Variants in DOCK3 observed in about 807,000 individuals in gnomAD.
The protein encoded by DOCK3 is dedicator of cytokinesis protein 3.
Under a neutral mutation model 265.6 loss-of-function variants are expected in DOCK3, and 60 were observed. The ratio of observed to expected loss-of-function variants is 0.23; its 90% CI spans 0.18 to 0.28. The LOEUF (loss-of-function observed/expected upper bound fraction) is 0.28. Among genes scored for constraint, DOCK3 ranks in the 10% least tolerant of loss-of-function variants. The pLI is 1.00. For synonymous variants in DOCK3, 881 were observed against 938.0 expected, an observed-to-expected ratio of 0.94 and a Z score of 1.11; for missense variants, 1,981 against 2,594.3, an observed-to-expected ratio of 0.76 and a Z score of 5.14.
At chr3:50,928,515 T>G (rs1251447446) in intron 4 of DOCK3, among the ~76,000 whole-genome samples, 1 of 152,232 alleles carries the variant, frequency 6.6e-6, no homozygotes, top group Non-Finnish European at 1.5e-5. Flanking sequence ...TCCATTGCAC[T>G]TATATATACC....
At chr3:50,803,879 G>A (rs1001365084) in intron 2 of DOCK3, among the ~76,000 whole-genome samples, 12 of 151,790 alleles carry the variant, frequency 7.9e-5, no homozygotes, top group East Asian at 2.0e-4. Flanking sequence ...CTGGCCGGGC[G>A]GGGGCTGTCC....
At chr3:51,222,261 C>G (rs1197886277) in intron 14 of DOCK3, among the ~76,000 whole-genome samples, 1 of 152,162 alleles carries the variant, frequency 6.6e-6, no homozygotes, top group African/African-American at 2.4e-5. Context: ...ACAGGAGGCT[C>G]TTGGAAGCAG....
chr3:50,936,109 A>G (rs1427587415), intron 5 of DOCK3, among the ~76,000 whole-genome samples: 2 of 152,198 alleles, frequency 1.3e-5, no homozygotes, highest in African/African-American at 4.8e-5. Context: ...AGTAGAAACT[A>G]TAAAGAACCA....
At position 50,994,204 on chromosome 3, in the gene DOCK3, C is replaced by T. The variant is rs568816107; in HGVS notation, c.315+60127C>T. 5.3e-5 allele frequency among the ~76,000 whole-genome samples: 8 copies of T among 152,230 alleles called. No homozygotes were observed. In the South Asian group the frequency reaches 1.7e-3, roughly 32 times the overall value. ...TTGAGATAGAATTAGTGAGAGTCAG[C>T]AACTTACTGCATGTAGTTGGTAAGG... On this transcript the variant is annotated intron_variant, in intron 5 of 52. Transcript: ENST00000266037.
intron 27 of DOCK3, among the ~76,000 whole-genome samples, chr3:51,305,408 T>C (rs1296709456): frequency 1.3e-5 from 2 of 152,248 alleles, no homozygotes; most frequent in Admixed American, 6.5e-5. Context: ...TTTCATGGTA[T>C]ATATTTTTCC....
Position 50,870,585 on chromosome 3 carries a change from G to C in DOCK3, c.163-19441G>C, listed in dbSNP as rs564899477. Among the ~76,000 whole-genome samples, 5 of 152,164 alleles carry C rather than the reference G, an allele frequency of 3.3e-5. No homozygotes were observed. The South Asian group carries it at 1.0e-3, about 32-fold the overall frequency. On this transcript the variant is annotated intron_variant, in intron 3 of 52. Transcript: ENST00000266037. ...TCAACTGTGCTATATCTTTTGATTG[G>C]AGAGTTTAGTCCCTTTCCATTCAGC... is the stretch of plus-strand genomic sequence containing the variant.
intron 5 of DOCK3, among the ~76,000 whole-genome samples, chr3:51,001,531 GA>G (rs2078484053): frequency 1.3e-5 from 2 of 152,164 alleles, no homozygotes; most frequent in African/African-American, 4.8e-5. Context: ...ATAATTGCAT[GA>G]GCCAAATCCT....
At chr3:51,271,137 G>C (rs2080471343) in intron 24 of DOCK3, 130 bp downstream of exon 24, 1 of 1,085,596 alleles carries the variant, frequency 9.2e-7, no homozygotes, top group Non-Finnish European at 1.3e-6. Context: ...TAACCCTTAA[G>C]ATACAGAATT....
At position 51,315,062 on chromosome 3, in the gene DOCK3, T is replaced by C. The variant is rs2083292637; in HGVS notation, c.3336T>C (p.Asn1112=). The C allele has an allele frequency of 6.2e-7, 1 of 1,612,906 alleles. No homozygotes were observed. The highest frequency in any genetic ancestry group is 8.5e-7 in the Non-Finnish European group (1 of 1,179,350). ...TGGTCCCACAGCCAGAAGTACGGAA[T>C]ATCATGATTCCCATCTTTCATGACA... ...VTLVPQPEVR[N]IMIPIFHDMM... Residue 1112 remains asparagine (N), a synonymous_variant, in exon 32 of 53, where the codon AAT becomes AAC. Coordinates refer to ENST00000266037, the MANE Select transcript of DOCK3 (RefSeq NM_004947.5).
intron 4 of DOCK3, chr3:50,900,985 T>C: frequency 2.5e-6 from 1 of 407,940 alleles, no homozygotes; most frequent in Non-Finnish European, 4.8e-6. Flanking sequence ...GTCTATCCCT[T>C]AGCAGAGCTT....
intron 5 of DOCK3, among the ~76,000 whole-genome samples, chr3:51,044,577 TAAAA>T (rs200715535): frequency 2.2e-5 from 3 of 139,436 alleles, no homozygotes; most frequent in African/African-American, 5.3e-5. Flanking sequence ...TCACTGAACT[TAAAA>T]AAAAAAAAAA....
chr3:50,732,073 C>T (rs545555808), intron 1 of DOCK3, among the ~76,000 whole-genome samples: 116 of 151,988 alleles, frequency 7.6e-4, no homozygotes, highest in Non-Finnish European at 1.0e-4. Flanking sequence ...GTTCAAGTCC[C>T]TGCTTGGGTG....
intron 27 of DOCK3, among the ~76,000 whole-genome samples, chr3:51,303,556 C>T (rs968868501): frequency 6.6e-5 from 10 of 151,626 alleles, no homozygotes; most frequent in South Asian, 4.2e-4. Flanking sequence ...GTTTGTCTAG[C>T]GTCAATCTTT....
chr3:51,130,442 T>C (rs199726348), intron 9 of DOCK3, among the ~76,000 whole-genome samples: 1 of 152,244 alleles, frequency 6.6e-6, no homozygotes, highest in East Asian at 1.9e-4. Flanking sequence ...AGTCAGTGGC[T>C]GCATACCAGG....
intron 5 of DOCK3, among the ~76,000 whole-genome samples, chr3:51,061,639 C>T (rs2081414022): frequency 6.6e-6 from 1 of 151,756 alleles, no homozygotes; most frequent in Non-Finnish European, 1.5e-5. Flanking sequence ...GTACAGCACA[C>T]CAACATGGCA....
chr3:51,083,528 G>C (rs1234869079), intron 7 of DOCK3, among the ~76,000 whole-genome samples: 1 of 152,008 alleles, frequency 6.6e-6, no homozygotes, highest in African/African-American at 2.4e-5. Context: ...AGAGAACACA[G>C]ATAAACAATA....
chr3:51,219,263 C>G (rs1324803592), intron 14 of DOCK3, among the ~76,000 whole-genome samples: 1 of 152,146 alleles, frequency 6.6e-6, no homozygotes, highest in Non-Finnish European at 1.5e-5. Flanking sequence ...CCCTTTCTTT[C>G]TGACGCAGAG....
At chr3:50,729,356 T>TTTTTATTTTA (rs1559560268) in intron 1 of DOCK3, among the ~76,000 whole-genome samples, 1 of 141,726 alleles carries the variant, frequency 7.1e-6, no homozygotes, top group East Asian at 2.1e-4. Context: ...TTTATTTTTA[T>TTTTTATTTTA]TTTATTTATT....
chr3:51,362,067 C>G, intron 48 of DOCK3, 70 bp downstream of exon 48: 1 of 1,513,438 alleles, frequency 6.6e-7, no homozygotes, highest in Non-Finnish European at 8.9e-7. Flanking sequence ...GTTGCAATGT[C>G]TAGTCTGAGG....
Sources: gnomAD v4.1 joint callset for allele counts (sites outside exome capture counted in the v4.1 genomes callset) on GRCh38, gnomAD v4.1.1 for gene constraint, MANE v1.5 for transcripts, NCBI Gene and HGNC (gene_info 2026-07-23, HGNC 2026-07-21) for gene names.